PNLIPRP3: variants seen among roughly 807,000 people sequenced by gnomAD.
The protein encoded by PNLIPRP3 is pancreatic lipase related protein 3.
A neutral mutation model predicts 52.8 loss-of-function variants in PNLIPRP3; 58 were observed. The ratio of observed to expected loss-of-function variants is 1.10; its 90% CI spans 0.89 to 1.37. The LOEUF (loss-of-function observed/expected upper bound fraction) is 1.37, where lower values mean the gene tolerates loss of function less well. Among genes scored for constraint, PNLIPRP3 ranks in the 40% most tolerant of loss-of-function variants. The probability of loss-of-function intolerance (pLI) is 0.00; values close to 1 mark genes in which losing one functional copy is unlikely to be tolerated. For missense variants in PNLIPRP3, 593 were observed against 561.6 expected (o/e 1.06, Z -0.57); for synonymous variants, 192 against 185.0 (o/e 1.04, Z -0.31).
chr10:116,456,435 C>A (rs186041759), intron 5 of PNLIPRP3, among the ~76,000 whole-genome samples: 1 of 152,042 alleles, frequency 6.6e-6, no homozygotes, highest in Non-Finnish European at 1.5e-5. Context: ...CTCAAAATAC[C>A]ACATGTGCCC....
Position 116,443,100 on chromosome 10 carries a change from G to A in PNLIPRP3, c.250G>A (p.Gly84Arg), listed in dbSNP as rs766848289. 1 of 1,608,994 alleles carries A rather than the reference G, an allele frequency of 6.2e-7. No individual in the cohort carries two copies. Among genetic ancestry groups the A allele is most frequent in the African/African-American group, 1.3e-5 (1 of 74,726 alleles). ...TTCAACTATCCAAGCCTCATATTTTGGAACAGACAAGATCACCCGTATCAA... is the reference window on the plus strand; with the variant it reads ...TTCAACTATCCAAGCCTCATATTTTAGAACAGACAAGATCACCCGTATCAA... ...NSSTIQASYF[G>R]TDKITRINIA... Residue 84 changes from glycine (G) to arginine (R), a missense_variant, in exon 3 of 12, where the codon GGA (glycine) becomes AGA (arginine). Physicochemically the swap from Gly to Arg is moderately radical, Grantham distance 125. Coordinates refer to ENST00000369230, the MANE Select transcript of PNLIPRP3 (RefSeq NM_001011709.3).
intron 5 of PNLIPRP3, among the ~76,000 whole-genome samples, chr10:116,459,996 G>A (rs1846168427): frequency 1.3e-5 from 2 of 152,098 alleles, no homozygotes; most frequent in African/African-American, 2.4e-5. Context: ...TCGAACTCCT[G>A]ACCTCGTGAT....
rs149057898 is a variant in PNLIPRP3 at position 116,475,122 on chromosome 10, T to C, written c.1173-1530T>C. ...GCAGCCATAAAAAAGAATGAGATCA[T>C]GTCCTTTGCAGGAACATGGATGGAG... On this transcript the variant is annotated intron_variant, in intron 10 of 11. Transcript: ENST00000369230. Among the ~76,000 whole-genome samples, 1,163 of 152,322 alleles carry C rather than the reference T, an allele frequency of 7.6e-3. 15 individuals are homozygous for C. The highest frequency in any genetic ancestry group is 0.026 in the African/African-American group (1,083 of 41,566).
chr10:116,433,305 C>G (rs1416357282), intron 1 of PNLIPRP3, among the ~76,000 whole-genome samples: 1 of 151,842 alleles, frequency 6.6e-6, no homozygotes, highest in Non-Finnish European at 1.5e-5. Flanking sequence ...TTCCAGATAT[C>G]TGACTAAAAG....
At chr10:116,438,435 T>C (rs1845808621) in intron 2 of PNLIPRP3, among the ~76,000 whole-genome samples, 1 of 152,184 alleles carries the variant, frequency 6.6e-6, no homozygotes, top group Non-Finnish European at 1.5e-5. Context: ...AGTCTTCTCC[T>C]ATGCACTCCT....
intron 1 of PNLIPRP3, among the ~76,000 whole-genome samples, chr10:116,432,884 G>T (rs1381646406): frequency 6.6e-6 from 1 of 151,886 alleles, no homozygotes; most frequent in Non-Finnish European, 1.5e-5. Context: ...GGAGGTCGAG[G>T]CGGGCGGATC....
At chr10:116,429,884 G>A (rs993251014) in intron 1 of PNLIPRP3, among the ~76,000 whole-genome samples, 5 of 152,160 alleles carry the variant, frequency 3.3e-5, no homozygotes, top group Non-Finnish European at 7.3e-5. Context: ...AGGCAAACTA[G>A]CAAACAAGAC....
At chr10:116,462,003 A>T (rs981007174) in intron 7 of PNLIPRP3, among the ~76,000 whole-genome samples, 1 of 152,204 alleles carries the variant, frequency 6.6e-6, no homozygotes, top group African/African-American at 2.4e-5. Context: ...GCAGAGGGCA[A>T]TAACACAGGA....
At chr10:116,437,449 C>A (rs1438940892) in intron 2 of PNLIPRP3, among the ~76,000 whole-genome samples, 1 of 152,068 alleles carries the variant, frequency 6.6e-6, no homozygotes, top group African/African-American at 2.4e-5. Flanking sequence ...AAGGAAGTGG[C>A]ATGAACATAA....
At chr10:116,457,957 T>C (rs1161669120) in intron 5 of PNLIPRP3, among the ~76,000 whole-genome samples, 1 of 152,180 alleles carries the variant, frequency 6.6e-6, no homozygotes, top group Non-Finnish European at 1.5e-5. Flanking sequence ...CTCTGAGAAA[T>C]TAGTTTTTGG....
At chr10:116,468,126 C>CA (rs5788168) in intron 8 of PNLIPRP3, among the ~76,000 whole-genome samples, 682 of 39,512 alleles carry the variant, frequency 0.017, 207 homozygotes, top group African/African-American at 0.089. Flanking sequence ...CTCTGTCTCG[C>CA]AAAAAAAAAA....
At chr10:116,429,609 T>C (rs1458983916) in intron 1 of PNLIPRP3, among the ~76,000 whole-genome samples, 1 of 152,144 alleles carries the variant, frequency 6.6e-6, no homozygotes, top group African/African-American at 2.4e-5. Context: ...ATGAAGGAGA[T>C]AGGACTATCA....
chr10:116,463,991 AAAG>A (rs67444811), intron 7 of PNLIPRP3, among the ~76,000 whole-genome samples: 137,045 of 151,156 alleles, frequency 0.91, 62,381 homozygotes, highest in Middle Eastern at 0.95. Context: ...TAAAATAAAA[AAAG>A]AAGAAGAAGA....
At chr10:116,471,115 C>G (rs1263445070) in intron 9 of PNLIPRP3, among the ~76,000 whole-genome samples, 1 of 152,114 alleles carries the variant, frequency 6.6e-6, no homozygotes, top group Non-Finnish European at 1.5e-5. Context: ...TGAAGAATTG[C>G]ATTTTTTCAG....
chr10:116,452,504 T>C (rs951641331), intron 4 of PNLIPRP3, among the ~76,000 whole-genome samples: 2 of 152,150 alleles, frequency 1.3e-5, no homozygotes, highest in African/African-American at 4.8e-5. Context: ...TGAAAGGCAT[T>C]TCAGAGATCT....
intron 7 of PNLIPRP3, among the ~76,000 whole-genome samples, chr10:116,463,173 A>T (rs2133147085): frequency 6.6e-6 from 1 of 151,322 alleles, no homozygotes; most frequent in Admixed American, 6.6e-5. Flanking sequence ...ATTCTGTCTC[A>T]GTTCTCTATT....
intron 4 of PNLIPRP3, among the ~76,000 whole-genome samples, chr10:116,454,839 T>A (rs1210707825): frequency 6.6e-6 from 1 of 152,242 alleles, no homozygotes; most frequent in Non-Finnish European, 1.5e-5. Flanking sequence ...AATGCTGCAA[T>A]GAAATGGAAG....
chr10:116,465,987 A>G, intron 7 of PNLIPRP3, 63 bp from the exon 8 acceptor site: 1 of 1,204,710 alleles, frequency 8.3e-7, no homozygotes, highest in Non-Finnish European at 1.2e-6. Context: ...TGTTTCTAAG[A>G]TATGGTTTAT....
At chr10:116,473,436 A>G (rs1285894591) in intron 10 of PNLIPRP3, among the ~76,000 whole-genome samples, 8 of 152,260 alleles carry the variant, frequency 5.3e-5, no homozygotes, top group Admixed American at 3.9e-4. Flanking sequence ...TCCATTTAAT[A>G]CTATACAAAT....
Sources: allele counts gnomAD v4.1 joint callset (sites outside exome capture counted in the v4.1 genomes callset), GRCh38; gene constraint gnomAD v4.1.1; transcripts MANE v1.5; gene names NCBI Gene and HGNC (gene_info 2026-07-23, HGNC 2026-07-21).